Variants in PROX2 observed in about 807,000 individuals in gnomAD.
PROX2 encodes prospero homeobox protein 2.
PROX2 carries 46 observed loss-of-function variants against 48.9 expected under a neutral mutation model. The observed-to-expected ratio is 0.94, with a 90% confidence interval of 0.74 to 1.20. The LOEUF is 1.20. Among genes scored for constraint, PROX2 ranks in the 50% most tolerant of loss-of-function variants. The pLI is 0.00. For missense variants in PROX2, 663 were observed against 719.4 expected (o/e 0.92, Z 0.90); for synonymous variants, 260 against 276.6 (o/e 0.94, Z 0.60).
chr14:74,862,026 G>A (rs183302063), intron 3 of PROX2, among the ~76,000 whole-genome samples: 146 of 152,244 alleles, frequency 9.6e-4, no homozygotes, highest in Non-Finnish European at 1.8e-3. Flanking sequence ...AAGTCAAGTG[G>A]CAGAACCCGA....
intron 2 of PROX2, among the ~76,000 whole-genome samples, chr14:74,868,947 G>A (rs1198201670): frequency 2.0e-5 from 3 of 152,076 alleles, no homozygotes; most frequent in African/African-American, 7.2e-5. Context: ...TGACCTCTCC[G>A]TACCTCAGTT....
chr14:74,865,374 A>G (rs939924058), intron 2 of PROX2: 25 of 152,208 alleles, frequency 1.6e-4, no homozygotes, highest in African/African-American at 5.5e-4. Flanking sequence ...ATATATTTTC[A>G]GTGTGTGATA....
intron 3 of PROX2, chr14:74,861,203 G>A: frequency 7.4e-7 from 1 of 1,352,596 alleles, no homozygotes; most frequent in South Asian, 1.1e-5. Flanking sequence ...GGACACGACT[G>A]TTCCCACCTG....
chr14:74,873,001 T>G (rs534527238), intron 1 of PROX2, among the ~76,000 whole-genome samples: 1 of 152,300 alleles, frequency 6.6e-6, no homozygotes, highest in South Asian at 2.1e-4. Flanking sequence ...TTTTTTTTCT[T>G]TTGAGATGGA....
chr14:74,862,582 T>A lies in PROX2; in HGVS notation c.1253A>T (p.Glu418Val). ...SLPLLPSVKMEQRGLHAVMEA... is the reference protein window; with the variant it reads ...SLPLLPSVKMVQRGLHAVMEA... ...CATGACAGCATGCAGGCCTCTCTGTTCCATCTTCACCGAGGGAAGAAGGGG... is the reference window on the plus strand; with the variant it reads ...CATGACAGCATGCAGGCCTCTCTGTACCATCTTCACCGAGGGAAGAAGGGG... The change falls in exon 3 of 6, where the codon GAA becomes GTA. Residue 418 changes from glutamate (E) to valine (V), a missense_variant. Glu to Val is a moderately radical substitution (Grantham distance 121). Coordinates refer to ENST00000556489, the MANE Select transcript of PROX2 (RefSeq NM_001243007.2). The A allele has an allele frequency of 1.2e-6, 2 of 1,613,932 alleles. No individual in the cohort carries two copies. The highest frequency in any genetic ancestry group is 2.7e-5 in the African/African-American group (2 of 75,040).
chr14:74,862,385 G>T (rs2091800665), intron 3 of PROX2, 145 bp downstream of exon 3: 1 of 844,002 alleles, frequency 1.2e-6, no homozygotes, highest in African/African-American at 1.7e-5. Context: ...TTAGAGATGG[G>T]GTCTAGCTAT....
intron 2 of PROX2, among the ~76,000 whole-genome samples, chr14:74,864,839 C>G (rs1398936582): frequency 1.4e-5 from 2 of 145,242 alleles, no homozygotes; most frequent in Admixed American, 7.0e-5. Context: ...GAGACTCCAT[C>G]TCAAAAAAAA....
Position 74,863,207 on chromosome 14 carries a change from C to CA in PROX2, c.627dup (p.Glu210Ter), listed in dbSNP as rs1566780437. 1.2e-6 allele frequency: 2 copies of CA among 1,614,008 alleles called. No individual in the cohort carries two copies. The highest frequency in any genetic ancestry group is 1.1e-5 in the South Asian group (1 of 91,086). ...CCAGAAGGAAGGAAACTGGGCTTCT[C>CA]AGACTCTTGGTGTTTTTCTGCCCCA... On this transcript the variant is annotated frameshift_variant, in exon 3 of 6. Transcript: ENST00000556489. LOFTEE classifies it high-confidence loss of function.
chr14:74,862,585 A>G lies in PROX2; in HGVS notation c.1250T>C (p.Met417Thr). 1 of 1,613,886 alleles carries G rather than the reference A, an allele frequency of 6.2e-7. No homozygotes were observed. The highest frequency in any genetic ancestry group is 8.5e-7 in the Non-Finnish European group (1 of 1,179,788). Residue 417 changes from methionine (M) to threonine (T), a missense_variant, in exon 3 of 6, where the codon ATG becomes ACG. Met to Thr is a moderately conservative substitution (Grantham distance 81, BLOSUM62 -1). Transcript: ENST00000556489. ...ESLPLLPSVK[M>T]EQRGLHAVME... ...GACAGCATGCAGGCCTCTCTGTTCC[A>G]TCTTCACCGAGGGAAGAAGGGGTAG...
At chr14:74,857,122 T>TA (rs1172019761) in intron 4 of PROX2, 127 bp from the exon 5 acceptor site, 5 of 714,152 alleles carry the variant, frequency 7.0e-6, no homozygotes, top group Admixed American at 2.5e-5. Context: ...GGGCTTCCTT[T>TA]AAAAAAAGAA....
Position 74,876,069 on chromosome 14 carries a change from G to A in PROX2, c.-484C>T, listed in dbSNP as rs1004708164. Among the ~76,000 whole-genome samples the A allele has an allele frequency of 2.0e-5, 3 of 152,224 alleles. No individual in the cohort carries two copies. Among genetic ancestry groups the A allele is most frequent in the African/African-American group, 7.2e-5 (3 of 41,466 alleles). On this transcript the variant is annotated 5_prime_UTR_variant, in exon 1 of 6. Transcript: ENST00000556489. ...CAGGCAGGCCGGGTGCCCGTGGCTG[G>A]GTGAGGGGAGGCTCTGGCCCCTTCT...
intron 1 of PROX2, chr14:74,874,094 G>T: frequency 1.9e-6 from 1 of 528,614 alleles, no homozygotes; most frequent in Non-Finnish European, 3.9e-6. Context: ...TAAAGGGATA[G>T]ATATGGCTTT....
rs1267939106 is a variant in PROX2 at position 74,856,872 on chromosome 14, G to A, written c.1537C>T (p.Leu513=). 6.2e-7 allele frequency: 1 copy of A among 1,613,994 alleles called. No homozygotes were observed. The highest frequency in any genetic ancestry group is 1.1e-5 in the South Asian group (1 of 91,080). The part of the protein sequence containing the change: ...ISDGVTNPKM[L]VVLRNSELFQ... The stretch of plus-strand genomic sequence containing the variant: ...AGTTCTGAATTGCGGAGAACCACCA[G>A]CATTTTGGGATTTGTGACACCATCT... The change falls in exon 5 of 6, where the codon CTG becomes TTG. Residue 513 remains leucine (L), a synonymous_variant. Transcript: ENST00000556489.
At chr14:74,873,783 C>A in intron 1 of PROX2, 1 of 462,276 alleles carries the variant, frequency 2.2e-6, no homozygotes, top group South Asian at 1.7e-5. Flanking sequence ...CACCAAGCTT[C>A]ACATTGCAGC....
chr14:74,870,356 T>C (rs1250046512), intron 2 of PROX2, among the ~76,000 whole-genome samples: 9 of 148,458 alleles, frequency 6.1e-5, no homozygotes, highest in Non-Finnish European at 1.2e-4. Flanking sequence ...GACCAAGAAG[T>C]TGAGGCTGCA....
At chr14:74,859,919 A>G (rs905395903) in intron 3 of PROX2, among the ~76,000 whole-genome samples, 1 of 152,238 alleles carries the variant, frequency 6.6e-6, no homozygotes, top group Non-Finnish European at 1.5e-5. Flanking sequence ...TGATTTTGCC[A>G]TCTATTAGCT....
At position 74,863,746 on chromosome 14, in the gene PROX2, G is replaced by A; in HGVS notation, c.89C>T (p.Ser30Phe). ...EACTEGERSS[S>F]PPELDRDSPF... is the part of the protein sequence containing the mutation. ...GGAGTCTCTATCCAGCTCTGGAGGG[G>A]ATGAGCTTCTCTCGCCTTCCGTACA... The change falls in exon 3 of 6, where the codon TCC becomes TTC. Residue 30 changes from serine to phenylalanine, a missense_variant. Transcript: ENST00000556489. The A allele has an allele frequency of 6.5e-7, 1 of 1,529,106 alleles. No homozygotes were observed. The highest frequency in any genetic ancestry group is 1.3e-5 in the South Asian group (1 of 75,504). The allele number at this position is 1,529,106 out of a possible 1,614,324, so 94.7% of individuals were successfully genotyped here.
intron 2 of PROX2, among the ~76,000 whole-genome samples, chr14:74,867,325 C>T (rs2140171830): frequency 6.6e-6 from 1 of 152,348 alleles, no homozygotes; most frequent in Admixed American, 6.5e-5. Flanking sequence ...AGGCCAGGCT[C>T]CTTCCAGCCT....
chr14:74,874,530 C>T (rs958503882), intron 1 of PROX2, among the ~76,000 whole-genome samples: 1 of 152,032 alleles, frequency 6.6e-6, no homozygotes, highest in Admixed American at 6.6e-5. Flanking sequence ...GGATTACAGG[C>T]GTGAGCCACC....
Sources: allele counts gnomAD v4.1 joint callset (sites outside exome capture counted in the v4.1 genomes callset), GRCh38; gene constraint gnomAD v4.1.1; transcripts MANE v1.5; gene names NCBI Gene and HGNC (gene_info 2026-07-23, HGNC 2026-07-21).